FGD4: variants seen among roughly 807,000 people sequenced by gnomAD.
FGD4 encodes the protein FYVE, RhoGEF and PH domain-containing protein 4.
Under a neutral mutation model 102.0 loss-of-function variants are expected in FGD4, and 42 were observed. The observed-to-expected ratio is 0.41, with a 90% CI of 0.32 to 0.53. The LOEUF (loss-of-function observed/expected upper bound fraction) is 0.53. Among genes scored for constraint, FGD4 ranks in the 20% least tolerant of loss-of-function variants. The pLI is 0.21. For synonymous variants in FGD4, 380 were observed against 375.7 expected, an observed-to-expected ratio of 1.01 and a Z score of -0.13; for missense variants, 902 against 1,078.2, an observed-to-expected ratio of 0.84 and a Z score of 2.29.
intron 2 of FGD4, among the ~76,000 whole-genome samples, chr12:32,573,191 G>A (rs1028352442): frequency 6.6e-6 from 1 of 152,170 alleles, no homozygotes; most frequent in Admixed American, 6.5e-5. Flanking sequence ...CGCCTCCCGG[G>A]TTCACGCCAT....
At chr12:32,498,854 G>A (rs1283003245) in intron 1 of FGD4, among the ~76,000 whole-genome samples, 7 of 152,170 alleles carry the variant, frequency 4.6e-5, no homozygotes, top group African/African-American at 1.4e-4. Flanking sequence ...GCCTGCCTTG[G>A]CCTCCCAAAG....
intron 11 of FGD4, among the ~76,000 whole-genome samples, chr12:32,620,563 A>C (rs1367759304): frequency 3.3e-4 from 38 of 114,128 alleles, no homozygotes; most frequent in African/African-American, 1.3e-3. Context: ...TTTCGCTCTC[A>C]TTGGCCAGAC....
rs548881919 is a variant in FGD4 at position 32,423,449 on chromosome 12, G to C, written c.166+23490G>C. On this transcript the variant is annotated intron_variant, in intron 1 of 16. Coordinates refer to ENST00000534526, the MANE Select transcript of FGD4 (RefSeq NM_001370298.3). The stretch of plus-strand genomic sequence containing the variant: ...TATTAAAAAATACAAAAAATTAGCC[G>C]GGCGTGGTGGCAGGCGCCTGTAATC... Among the ~76,000 whole-genome samples the C allele has an allele frequency of 2.0e-5, 3 of 151,570 alleles. No homozygotes were observed. In the East Asian group the frequency reaches 5.8e-4, roughly 29 times the overall value.
intron 1 of FGD4, chr12:32,486,093 G>T: frequency 6.5e-7 from 1 of 1,526,748 alleles, no homozygotes; most frequent in Non-Finnish European, 8.7e-7. Flanking sequence ...CAGGAAATAG[G>T]TTAATCAGAA....
Position 32,399,828 on chromosome 12 carries a change from T to TGGCG in FGD4, c.36_39dup (p.Ile14GlyfsTer68), listed in dbSNP as rs1565717123. 1.3e-6 allele frequency: 2 copies of TGGCG among 1,531,064 alleles called. No individual in the cohort carries two copies. Among genetic ancestry groups the TGGCG allele is most frequent in the Admixed American group, 3.9e-5 (2 of 50,844 alleles). The allele number at this position is 1,531,064 out of a possible 1,614,324, so 94.8% of individuals were successfully genotyped here. On this transcript the variant is annotated frameshift_variant, in exon 1 of 17. Coordinates refer to ENST00000534526, the MANE Select transcript of FGD4 (RefSeq NM_001370298.3). LOFTEE classifies it high-confidence loss of function. ...GAGGGCGGCTCCAACTTCAGGCGGG[T>TGGCG]GGCGATCCGGCGGAAGTCCAACCCC...
intron 1 of FGD4, among the ~76,000 whole-genome samples, chr12:32,522,257 T>A (rs1940624647): frequency 2.6e-5 from 4 of 151,290 alleles, no homozygotes; most frequent in Admixed American, 2.6e-4. Context: ...TTATCTGTTG[T>A]GGGTGGGGGT....
At chr12:32,529,703 C>T (rs35563266) in intron 1 of FGD4, among the ~76,000 whole-genome samples, 15,462 of 151,578 alleles carry the variant, frequency 0.1, 1,433 homozygotes, top group African/African-American at 0.25. Flanking sequence ...ATTAGCCAGA[C>T]ATGGTGGCCC....
intron 1 of FGD4, among the ~76,000 whole-genome samples, chr12:32,466,303 C>T (rs967820146): frequency 6.6e-6 from 1 of 151,998 alleles, no homozygotes; most frequent in African/African-American, 2.4e-5. Flanking sequence ...AAAATTGTAT[C>T]ATAAGGAATT....
At chr12:32,468,565 C>T (rs904957969) in intron 1 of FGD4, among the ~76,000 whole-genome samples, 2 of 152,036 alleles carry the variant, frequency 1.3e-5, no homozygotes, top group Non-Finnish European at 2.9e-5. Flanking sequence ...TTATAAAAGT[C>T]GTGTGCTTAC....
chr12:32,578,197 G>T (rs191668785), intron 3 of FGD4, among the ~76,000 whole-genome samples: 19 of 152,000 alleles, frequency 1.3e-4, no homozygotes, highest in African/African-American at 4.3e-4. Flanking sequence ...GTTTTGGCAG[G>T]TCTGGTGAAG....
chr12:32,408,155 T>A (rs953733523), intron 1 of FGD4, among the ~76,000 whole-genome samples: 1 of 145,090 alleles, frequency 6.9e-6, no homozygotes, highest in Non-Finnish European at 1.5e-5. Flanking sequence ...CACACCATCA[T>A]GTCCAGCCAA....
At chr12:32,406,245 A>G (rs1940927436) in intron 1 of FGD4, among the ~76,000 whole-genome samples, 2 of 151,264 alleles carry the variant, frequency 1.3e-5, no homozygotes, top group Admixed American at 6.6e-5. Context: ...CCCAGCCTAC[A>G]TGATGCATTT....
intron 11 of FGD4, among the ~76,000 whole-genome samples, chr12:32,621,790 A>C (rs1244661102): frequency 1.3e-5 from 2 of 151,854 alleles, no homozygotes; most frequent in Admixed American, 1.3e-4. Context: ...AGCCCCTCAA[A>C]CCCAAGGGCA....
In FGD4 at chr12:32,625,711, T is replaced by C; in HGVS notation, c.2104T>C (p.Cys702Arg). 1 of 1,614,010 alleles carries C rather than the reference T, an allele frequency of 6.2e-7. No individual in the cohort carries two copies. Among genetic ancestry groups the C allele is most frequent in the Non-Finnish European group, 8.5e-7 (1 of 1,179,980 alleles). ...GATCCGAGATAATGAAGTGACAATG[T>C]GTATGAAATGTAAAGAACCTTTCAA... ...RWIRDNEVTMCMKCKEPFNAL... is the reference protein window; with the variant it reads ...RWIRDNEVTMRMKCKEPFNAL... The change falls in exon 14 of 17, where the codon TGT (cysteine) becomes CGT (arginine). Residue 702 changes from cysteine to arginine, a missense_variant. Coordinates refer to ENST00000534526, the MANE Select transcript of FGD4 (RefSeq NM_001370298.3).
intron 1 of FGD4, among the ~76,000 whole-genome samples, chr12:32,464,025 T>C (rs1318484354): frequency 6.6e-6 from 1 of 152,218 alleles, no homozygotes; most frequent in Non-Finnish European, 1.5e-5. Context: ...ACTCAGTAGG[T>C]AGAAATATTC....
At chr12:32,424,473 A>G (rs1941760185) in intron 1 of FGD4, among the ~76,000 whole-genome samples, 1 of 152,124 alleles carries the variant, frequency 6.6e-6, no homozygotes, top group South Asian at 2.1e-4. Context: ...TCTATCATTG[A>G]TGGACATTTG....
chr12:32,532,582 T>A (rs1316118755), intron 1 of FGD4, among the ~76,000 whole-genome samples: 1 of 152,016 alleles, frequency 6.6e-6, no homozygotes, highest in Non-Finnish European at 1.5e-5. Flanking sequence ...TTTTTTTTTT[T>A]AAAGTGTTTG....
chr12:32,524,105 A>C lies in FGD4; in HGVS notation c.167-40032A>C, dbSNP rs1328086847. 2.0e-5 allele frequency among the ~76,000 whole-genome samples: 3 copies of C among 151,192 alleles called. No homozygotes were observed. In the East Asian group the frequency reaches 6.0e-4, roughly 30 times the overall value. ...AAACACCATGTTTGTGCTTAGAAGT[A>C]AGATAAATTGGCCGGGTGCGGTGGC... On this transcript the variant is annotated intron_variant, in intron 1 of 16. Coordinates refer to ENST00000534526, the MANE Select transcript of FGD4 (RefSeq NM_001370298.3).
intron 1 of FGD4, among the ~76,000 whole-genome samples, chr12:32,479,574 C>T (rs1282338339): frequency 6.7e-6 from 1 of 149,364 alleles, no homozygotes; most frequent in Non-Finnish European, 1.5e-5. Flanking sequence ...CCTTAATTAG[C>T]CTAGCAGTGA....
Sources: allele counts gnomAD v4.1 joint callset (sites outside exome capture counted in the v4.1 genomes callset), GRCh38; gene constraint gnomAD v4.1.1; transcripts MANE v1.5; gene names NCBI Gene and HGNC (gene_info 2026-07-23, HGNC 2026-07-21).